USP36: variants seen among roughly 807,000 people sequenced by gnomAD.
The protein encoded by USP36 is ubiquitin carboxyl-terminal hydrolase 36.
A neutral mutation model predicts 111.5 loss-of-function variants in USP36; 59 were observed. That is an observed-to-expected ratio of 0.53 (90% CI 0.43 to 0.66). USP36 has a LOEUF of 0.66. Among genes scored for constraint, USP36 ranks in the 30% least tolerant of loss-of-function variants. USP36 has a pLI of 0.00. For synonymous variants in USP36, 628 were observed against 581.0 expected (o/e 1.08, Z -1.16); for missense variants, 1,488 against 1,468.0 (o/e 1.01, Z -0.22).
chr17:78,808,882 C>T (rs1456918215), intron 13 of USP36, among the ~76,000 whole-genome samples: 1 of 152,106 alleles, frequency 6.6e-6, no homozygotes, highest in Non-Finnish European at 1.5e-5. Context: ...TGAGCTTTTC[C>T]TGTACTTAGT....
At chr17:78,839,747 G>A (rs1422090936) in intron 1 of USP36, among the ~76,000 whole-genome samples, 1 of 152,108 alleles carries the variant, frequency 6.6e-6, no homozygotes, top group Non-Finnish European at 1.5e-5. Flanking sequence ...AACAACGCTC[G>A]CTCGCTCTCT....
In USP36 at chr17:78,802,322, A is replaced by G. The variant is rs1184971411; in HGVS notation, c.3022+2T>C. On this transcript the variant is annotated splice_donor_variant, in intron 17 of 20. Coordinates refer to ENST00000449938, the MANE Select transcript of USP36 (RefSeq NM_001385174.1). LOFTEE classifies it high-confidence loss of function. Reference sequence around the variant, plus strand: ...GTTCCCACCCCCTCGCCCGGTGCATACCCATGCGGTCCCCAGGACACCAGC... The same window carrying G: ...GTTCCCACCCCCTCGCCCGGTGCATGCCCATGCGGTCCCCAGGACACCAGC... 6.4e-7 allele frequency: 1 copy of G among 1,569,010 alleles called. No homozygotes were observed.
At chr17:78,807,938 G>A (rs774428151) in intron 13 of USP36, among the ~76,000 whole-genome samples, 9 of 152,138 alleles carry the variant, frequency 5.9e-5, no homozygotes, top group East Asian at 1.9e-4. Flanking sequence ...TTCTGGCCTC[G>A]AGCAGTCCAC....
At chr17:78,825,867 C>T (rs1469458026) in intron 6 of USP36, among the ~76,000 whole-genome samples, 4 of 152,170 alleles carry the variant, frequency 2.6e-5, no homozygotes, top group Non-Finnish European at 4.4e-5. Flanking sequence ...TGCAGGCCCT[C>T]GGGGGTCACT....
intron 13 of USP36, among the ~76,000 whole-genome samples, chr17:78,811,651 G>C (rs953530637): frequency 6.6e-6 from 1 of 151,922 alleles, no homozygotes; most frequent in Non-Finnish European, 1.5e-5. Flanking sequence ...GGGTGGATCA[G>C]GAGGTCAGCA....
At chr17:78,813,467 G>T (rs934007287) in intron 12 of USP36, among the ~76,000 whole-genome samples, 3 of 152,146 alleles carry the variant, frequency 2.0e-5, no homozygotes, top group Non-Finnish European at 4.4e-5. Flanking sequence ...ACACGGGAAG[G>T]GGCATTGGCT....
chr17:78,800,248 G>T (rs1323555149), intron 17 of USP36, among the ~76,000 whole-genome samples: 1 of 152,192 alleles, frequency 6.6e-6, no homozygotes, highest in Non-Finnish European at 1.5e-5. Flanking sequence ...TACGGGAGAG[G>T]CCCATGCCCC....
At chr17:78,810,650 C>T (rs938811827) in intron 13 of USP36, among the ~76,000 whole-genome samples, 5 of 152,152 alleles carry the variant, frequency 3.3e-5, no homozygotes, top group Non-Finnish European at 5.9e-5. Flanking sequence ...ATGTATTTTA[C>T]TGCCACTTCA....
intron 4 of USP36, among the ~76,000 whole-genome samples, chr17:78,832,211 T>A (rs767228172): frequency 1.3e-5 from 2 of 152,214 alleles, no homozygotes; most frequent in Non-Finnish European, 2.9e-5. Context: ...TAGCTAAATA[T>A]TAGCGCCAGA....
Position 78,828,806 on chromosome 17 carries a change from A to G in USP36, c.586+91T>C. ...GACTGCTTAAGGCCAGGAATTTAAGACCAGCCTGGGCAACATAGCGAGAAC... is the reference window on the plus strand; with the variant it reads ...GACTGCTTAAGGCCAGGAATTTAAGGCCAGCCTGGGCAACATAGCGAGAAC... On this transcript the variant is annotated intron_variant, in intron 5 of 20. Coordinates refer to ENST00000449938, the MANE Select transcript of USP36 (RefSeq NM_001385174.1). 3 of 1,308,110 alleles carry G rather than the reference A, an allele frequency of 2.3e-6. No homozygotes were observed. In the South Asian group the frequency reaches 4.0e-5, roughly 17 times the overall value. The allele number at this position is 1,308,110 out of a possible 1,614,324, so 81.0% of individuals were successfully genotyped here. A position where few individuals can be genotyped will look rare whatever the true frequency, so the allele number is the denominator to read the frequency against.
chr17:78,798,644 C>G lies in USP36; in HGVS notation c.3241-93G>C. 6.4e-7 allele frequency: 1 copy of G among 1,573,940 alleles called. No individual in the cohort carries two copies. The highest frequency in any genetic ancestry group is 8.6e-7 in the Non-Finnish European group (1 of 1,162,910). ...CTGCATGCAGGTCCTGCACACAGGC[C>G]GGGCTCTCATGAGCTCTCTGGAGAC... On this transcript the variant is annotated intron_variant, in intron 19 of 20. Transcript: ENST00000449938. The surrounding 1 kb of genome is among the most constrained non-coding windows in gnomAD (Gnocchi z 5.1).
chr17:78,837,144 T>C (rs1253486587), intron 2 of USP36, among the ~76,000 whole-genome samples: 1 of 152,234 alleles, frequency 6.6e-6, no homozygotes, highest in East Asian at 1.9e-4. Flanking sequence ...TGCTTCTTTT[T>C]AATGTGGCTA....
At chr17:78,839,929 A>G (rs1321001373) in intron 1 of USP36, among the ~76,000 whole-genome samples, 2 of 152,210 alleles carry the variant, frequency 1.3e-5, no homozygotes, top group African/African-American at 4.8e-5. Context: ...ATTTAGGCTC[A>G]TTCCCGCTCC....
chr17:78,826,920 C>T (rs924706368), intron 6 of USP36: 14 of 595,186 alleles, frequency 2.4e-5, no homozygotes, highest in African/African-American at 2.2e-4. Context: ...ATGGTAAGAA[C>T]TGAATGCCCC....
chr17:78,810,741 G>A (rs534539776), intron 13 of USP36, among the ~76,000 whole-genome samples: 21 of 152,270 alleles, frequency 1.4e-4, no homozygotes, highest in African/African-American at 4.8e-4. Flanking sequence ...CAAAACCCCT[G>A]CAGACTGTGA....
chr17:78,806,572 A>G (rs2093907883), intron 14 of USP36, among the ~76,000 whole-genome samples: 1 of 152,236 alleles, frequency 6.6e-6, no homozygotes, highest in African/African-American at 2.4e-5. Flanking sequence ...TTCCTGCTGC[A>G]GAGGTGCCGG....
intron 6 of USP36, among the ~76,000 whole-genome samples, chr17:78,824,823 T>G (rs2067388865): frequency 6.6e-6 from 1 of 152,022 alleles, no homozygotes; most frequent in Non-Finnish European, 1.5e-5. Flanking sequence ...GTTCAGAAAG[T>G]GACAGCAAGG....
chr17:78,800,384 A>T (rs569252229), intron 17 of USP36, among the ~76,000 whole-genome samples: 5 of 152,320 alleles, frequency 3.3e-5, no homozygotes, highest in Admixed American at 2.6e-4. Flanking sequence ...GCAACACCGC[A>T]CAGGTCCACC....
chr17:78,798,934 A>C lies in USP36; in HGVS notation c.3214T>G (p.Trp1072Gly). ...QARTETVVDD[W>G]DEEFDRGKEK... ...TTCCCTCGGTCAAACTCTTCGTCCC[A>C]GTCATCAACCACGGTCTCAGTCCGG... The change falls in exon 19 of 21, where the codon TGG becomes GGG. Residue 1072 changes from tryptophan (W) to glycine (G), a missense_variant. Physicochemically the swap from Trp to Gly is radical, Grantham distance 184. Transcript: ENST00000449938. The surrounding 1 kb of genome is among the most constrained non-coding windows in gnomAD (Gnocchi z 5.1). 2 of 1,614,112 alleles carry C rather than the reference A, an allele frequency of 1.2e-6. No homozygotes were observed. The highest frequency in any genetic ancestry group is 1.7e-6 in the Non-Finnish European group (2 of 1,180,038).
Sources: allele counts gnomAD v4.1 joint callset (sites outside exome capture counted in the v4.1 genomes callset), GRCh38; gene constraint gnomAD v4.1.1; non-coding constraint Gnocchi (gnomAD v3.1); transcripts MANE v1.5; gene names NCBI Gene and HGNC (gene_info 2026-07-23, HGNC 2026-07-21).